FOXN3: variants seen among roughly 807,000 people sequenced by gnomAD.
FOXN3 encodes the protein forkhead box protein N3.
A neutral mutation model predicts 38.4 loss-of-function variants in FOXN3; 7 were observed. That is an observed-to-expected ratio of 0.18 (90% CI 0.10 to 0.34). The LOEUF (loss-of-function observed/expected upper bound fraction) is 0.34. Among genes scored for constraint, FOXN3 ranks in the 10% least tolerant of loss-of-function variants. The probability of loss-of-function intolerance (pLI) is 1.00; values close to 1 mark genes in which losing one functional copy is unlikely to be tolerated. For missense variants in FOXN3, 456 were observed against 613.4 expected, an observed-to-expected ratio of 0.74 and a Z score of 2.71; for synonymous variants, 230 against 242.2, an observed-to-expected ratio of 0.95 and a Z score of 0.47.
rs1887183344 is a variant in FOXN3, at chr14:89,164,289, T to A, written c.852-1320A>T. Among the ~76,000 whole-genome samples, 1 of 152,126 alleles carries A rather than the reference T, an allele frequency of 6.6e-6. No individual in the cohort carries two copies. On this transcript the variant is annotated intron_variant, in intron 5 of 5. Transcript: ENST00000557258. This position sits in a 1 kb window ranked among gnomAD's most constrained non-coding sequence, Gnocchi z 4.3. ...CGAAGGGTGGACGCCAGGGAATGTT[T>A]TGTGGAAGACAAGGCATCTGACCTT...
chr14:89,589,261 C>T, intron 1 of FOXN3, among the ~76,000 whole-genome samples: 1 of 152,106 alleles, frequency 6.6e-6, no homozygotes, highest in East Asian at 1.9e-4. Flanking sequence ...AAAGACACAC[C>T]CTTCTCTCCA....
chr14:89,373,959 C>G (rs1890396018), intron 2 of FOXN3, among the ~76,000 whole-genome samples: 1 of 152,082 alleles, frequency 6.6e-6, no homozygotes, highest in Non-Finnish European at 1.5e-5. Flanking sequence ...AGCAAACATT[C>G]ACAAATAGTA....
chr14:89,470,481 A>G (rs1222114596), intron 1 of FOXN3, among the ~76,000 whole-genome samples: 1 of 152,240 alleles, frequency 6.6e-6, no homozygotes, highest in Admixed American at 6.5e-5. Flanking sequence ...AAAGAGGATC[A>G]GAAAACCAAG....
At chr14:89,244,439 A>G (rs1183944083) in intron 4 of FOXN3, among the ~76,000 whole-genome samples, 3 of 152,160 alleles carry the variant, frequency 2.0e-5, no homozygotes, top group Non-Finnish European at 4.4e-5. Context: ...TCACCTACCA[A>G]CTGTCATGAA....
At chr14:89,189,502 G>A (rs1427431412) in intron 4 of FOXN3, among the ~76,000 whole-genome samples, 1 of 152,228 alleles carries the variant, frequency 6.6e-6, no homozygotes, top group Non-Finnish European at 1.5e-5. Flanking sequence ...CTGTAACACA[G>A]CAATGTCCTA....
At chr14:89,420,885 T>TAAAAA (rs10654363), upstream of FOXN3, among the ~76,000 whole-genome samples, 1 of 140,828 alleles carries the variant, frequency 7.1e-6, no homozygotes, top group Non-Finnish European at 1.5e-5. Flanking sequence ...AGATACGAAT[T>TAAAAA]AAAAAAAAAA....
intron 3 of FOXN3, among the ~76,000 whole-genome samples, chr14:89,294,490 C>T (rs1028413105): frequency 2.0e-5 from 3 of 152,150 alleles, no homozygotes; most frequent in Admixed American, 1.3e-4. Context: ...TGAATAGGGG[C>T]TGGGTAAAAT....
chr14:89,388,501 G>C (rs944284827), intron 2 of FOXN3, among the ~76,000 whole-genome samples: 2 of 152,140 alleles, frequency 1.3e-5, no homozygotes, highest in African/African-American at 4.8e-5. Flanking sequence ...GAGAATGAAT[G>C]CGCCATTGAC....
At chr14:89,585,880 G>A (rs1895831841) in intron 1 of FOXN3, among the ~76,000 whole-genome samples, 3 of 152,134 alleles carry the variant, frequency 2.0e-5, no homozygotes. Context: ...AGGTAGGGCA[G>A]GATGAAGGAG....
At chr14:89,265,019 A>G (rs1288694279) in intron 4 of FOXN3, among the ~76,000 whole-genome samples, 1 of 152,196 alleles carries the variant, frequency 6.6e-6, no homozygotes, top group Non-Finnish European at 1.5e-5. Flanking sequence ...GGCACCAGTC[A>G]CCAAATTATT....
chr14:89,193,858 T>C (rs1425733960), intron 4 of FOXN3, among the ~76,000 whole-genome samples: 2 of 152,294 alleles, frequency 1.3e-5, no homozygotes, highest in African/African-American at 2.4e-5. Flanking sequence ...CTACTTGAAA[T>C]TGTCAATCTT....
intron 3 of FOXN3, chr14:89,284,543 T>C (rs778324198): frequency 1.8e-5 from 8 of 455,972 alleles, no homozygotes; most frequent in South Asian, 1.1e-4. Flanking sequence ...AGGCTGTGAA[T>C]GGTATTTTGC....
At chr14:89,524,767 A>G (rs980322699) in intron 1 of FOXN3, among the ~76,000 whole-genome samples, 15 of 152,202 alleles carry the variant, frequency 9.9e-5, no homozygotes, top group African/African-American at 3.6e-4. Flanking sequence ...GCTTACATCT[A>G]TTAAAGAAAT....
intron 3 of FOXN3, among the ~76,000 whole-genome samples, chr14:89,289,905 AT>A (rs1886811930): frequency 1.3e-5 from 2 of 152,178 alleles, no homozygotes; most frequent in Non-Finnish European, 2.9e-5. Context: ...ATCATGCAGT[AT>A]TTTTACCTAT....
chr14:89,420,315 C>T (rs999656914), upstream of FOXN3, among the ~76,000 whole-genome samples: 11 of 152,232 alleles, frequency 7.2e-5, no homozygotes, highest in African/African-American at 2.7e-4. Context: ...CCACCACTCC[C>T]TACTGCTAAC....
At chr14:89,531,542 G>A (rs1383904902) in intron 1 of FOXN3, among the ~76,000 whole-genome samples, 2 of 152,146 alleles carry the variant, frequency 1.3e-5, no homozygotes, top group Non-Finnish European at 2.9e-5. Flanking sequence ...CTCTTGCTTC[G>A]ACACTTGTGG....
chr14:89,365,691 TA>T (rs977699947), intron 2 of FOXN3, among the ~76,000 whole-genome samples: 1 of 152,106 alleles, frequency 6.6e-6, no homozygotes, highest in Admixed American at 6.5e-5. Flanking sequence ...CAGAAGCATT[TA>T]AAAAAACTTC....
At chr14:89,584,863 C>A (rs775187648) in intron 1 of FOXN3, among the ~76,000 whole-genome samples, 2 of 152,136 alleles carry the variant, frequency 1.3e-5, no homozygotes, top group Non-Finnish European at 2.9e-5. Context: ...CAGGCACCTG[C>A]CATCATGTCC....
chr14:89,537,188 CTTTGTAA>C (rs1760785778), intron 1 of FOXN3, among the ~76,000 whole-genome samples: 2 of 152,340 alleles, frequency 1.3e-5, no homozygotes, highest in South Asian at 4.2e-4. Flanking sequence ...TCCTATTCAT[CTTTGTAA>C]TACCAACATC....
Sources: gnomAD v4.1 joint callset for allele counts (sites outside exome capture counted in the v4.1 genomes callset) on GRCh38, gnomAD v4.1.1 for gene constraint, Gnocchi (gnomAD v3.1) non-coding constraint, MANE v1.5 for transcripts, NCBI Gene and HGNC (gene_info 2026-07-23, HGNC 2026-07-21) for gene names.